PRRX1: variants seen among roughly 807,000 people sequenced by gnomAD.
PRRX1 encodes paired mesoderm homeobox protein 1.
A neutral mutation model predicts 24.0 loss-of-function variants in PRRX1; 8 were observed. The observed-to-expected ratio is 0.33, with a 90% CI of 0.20 to 0.60. The LOEUF (loss-of-function observed/expected upper bound fraction) is 0.60. Among genes scored for constraint, PRRX1 ranks in the 20% least tolerant of loss-of-function variants. PRRX1 has a pLI of 0.82. For synonymous variants in PRRX1, 160 were observed against 131.7 expected (o/e 1.22, Z -1.47); for missense variants, 281 against 322.4 (o/e 0.87, Z 0.98).
Position 170,679,311 on chromosome 1 carries a change from T to A in PRRX1, c.241+14852T>A, listed in dbSNP as rs187626443. ...ACTTATTAGGCATCTGGCATTTTGT[T>A]AAGCACTCCACATAAAACCAAGAAA... is the stretch of plus-strand genomic sequence containing the variant. On this transcript the variant is annotated intron_variant, in intron 1 of 3. Coordinates refer to ENST00000239461, the MANE Select transcript of PRRX1 (RefSeq NM_022716.4). Among the ~76,000 whole-genome samples the A allele has an allele frequency of 2.2e-3, 336 of 152,332 alleles. 4 individuals are homozygous for A. The highest frequency in any genetic ancestry group is 0.019 in the Admixed American group (290 of 15,292).
At chr1:170,722,098 T>C (rs1655105040) in intron 2 of PRRX1, among the ~76,000 whole-genome samples, 1 of 152,190 alleles carries the variant, frequency 6.6e-6, no homozygotes, top group Non-Finnish European at 1.5e-5. Flanking sequence ...CACCTTGCTA[T>C]GATTTAATGA....
chr1:170,710,797 G>A lies in PRRX1; in HGVS notation c.242-8929G>A, dbSNP rs115455426. Reference sequence around the variant, plus strand: ...TGCCATATGAGGATATAGTAAGAAGGCAGTTGTTTGCAGGCCAGGAAGCAG... The same window carrying A: ...TGCCATATGAGGATATAGTAAGAAGACAGTTGTTTGCAGGCCAGGAAGCAG... On this transcript the variant is annotated intron_variant, in intron 1 of 3. Transcript: ENST00000239461. 3.7e-3 allele frequency among the ~76,000 whole-genome samples: 559 copies of A among 152,272 alleles called. 1 individual carries two copies. The highest frequency in any genetic ancestry group is 6.7e-3 in the Admixed American group (102 of 15,290).
chr1:170,699,738 G>A (rs1350302863), intron 1 of PRRX1, among the ~76,000 whole-genome samples: 1 of 151,702 alleles, frequency 6.6e-6, no homozygotes, highest in Admixed American at 6.6e-5. Context: ...CCTCAAAAGT[G>A]CAAGTGAATG....
At chr1:170,732,612 T>C (rs1655469219) in intron 3 of PRRX1, among the ~76,000 whole-genome samples, 1 of 152,204 alleles carries the variant, frequency 6.6e-6, no homozygotes, top group Non-Finnish European at 1.5e-5. Flanking sequence ...AATTATTTAG[T>C]ATGTGTACAA....
At chr1:170,707,458 A>G (rs1654606990) in intron 1 of PRRX1, among the ~76,000 whole-genome samples, 1 of 152,198 alleles carries the variant, frequency 6.6e-6, no homozygotes, top group East Asian at 1.9e-4. Context: ...CTTTGCCCAA[A>G]TCAGTTACCA....
chr1:170,714,830 C>T lies in PRRX1; in HGVS notation c.242-4896C>T, dbSNP rs533475627. ...TCCAGAGTGAACTTCATACTAGAGC[C>T]GAGGTCAGGGCTATTGTTCTCTTTA... On this transcript the variant is annotated intron_variant, in intron 1 of 3. Transcript: ENST00000239461. Among the ~76,000 whole-genome samples, 40 of 152,240 alleles carry T rather than the reference C, an allele frequency of 2.6e-4. 1 individual carries two copies. The highest frequency in any genetic ancestry group is 2.2e-3 in the Admixed American group (33 of 15,296).
rs200693185 is a variant in PRRX1 at position 170,664,455 on chromosome 1, G to A, written c.237G>A (p.Gln79=). 1.2e-6 allele frequency: 2 copies of A among 1,600,940 alleles called. No homozygotes were observed. The highest frequency in any genetic ancestry group is 1.7e-6 in the Non-Finnish European group (2 of 1,174,414). ...GLTSGSDTPQ[Q]DNDQLNSEEK... Reference sequence around the variant, plus strand: ...CCAGCGGCAGCGACACCCCGCAGCAGGACAGTGAGTGAGGGGCGCATGCCC... The same window carrying A: ...CCAGCGGCAGCGACACCCCGCAGCAAGACAGTGAGTGAGGGGCGCATGCCC... Residue 79 remains glutamine (Q), a synonymous_variant, in exon 1 of 4, where the codon CAG becomes CAA. Transcript: ENST00000239461.
chr1:170,663,860 G>T (rs1652810795), upstream of PRRX1: 1 of 229,772 alleles, frequency 4.4e-6, no homozygotes, highest in African/African-American at 2.3e-5. Flanking sequence ...GACACTTTTG[G>T]AGAGTTGGAA....
At chr1:170,693,789 C>T (rs1338624768) in intron 1 of PRRX1, among the ~76,000 whole-genome samples, 1 of 151,868 alleles carries the variant, frequency 6.6e-6, no homozygotes, top group African/African-American at 2.4e-5. Context: ...GACACAAGAT[C>T]GAGGGACATT....
intron 3 of PRRX1, chr1:170,727,393 C>T (rs1655290269): frequency 6.6e-6 from 1 of 152,128 alleles, no homozygotes; most frequent in African/African-American, 2.4e-5. Context: ...CGTGTTCTCC[C>T]TGGCTGATTT....
chr1:170,677,345 C>G (rs1278275567), intron 1 of PRRX1, among the ~76,000 whole-genome samples: 1 of 152,172 alleles, frequency 6.6e-6, no homozygotes, highest in African/African-American at 2.4e-5. Context: ...ATGCCTAGTA[C>G]CCTACTCAAA....
intron 1 of PRRX1, among the ~76,000 whole-genome samples, chr1:170,673,043 A>G (rs1286002005): frequency 6.6e-6 from 1 of 152,198 alleles, no homozygotes; most frequent in East Asian, 1.9e-4. Context: ...TATGTAATAT[A>G]CCTGGTATCT....
chr1:170,702,109 C>T (rs1654405299), intron 1 of PRRX1, among the ~76,000 whole-genome samples: 1 of 152,172 alleles, frequency 6.6e-6, no homozygotes, highest in Non-Finnish European at 1.5e-5. Flanking sequence ...CTAGATCCCG[C>T]GCATGCGCAG....
chr1:170,729,841 A>G (rs1655372512), intron 3 of PRRX1, among the ~76,000 whole-genome samples: 1 of 152,170 alleles, frequency 6.6e-6, no homozygotes, highest in Admixed American at 6.5e-5. Context: ...ACACACACCC[A>G]TTGCTTAACT....
chr1:170,724,516 C>T (rs1020175887), intron 2 of PRRX1, among the ~76,000 whole-genome samples: 18 of 152,158 alleles, frequency 1.2e-4, no homozygotes, highest in Admixed American at 8.5e-4. Flanking sequence ...AGCCAGTTCT[C>T]CAAGCACCAT....
chr1:170,663,802 T>A (rs1315548331), upstream of PRRX1: 2 of 165,814 alleles, frequency 1.2e-5, no homozygotes, highest in Non-Finnish European at 2.6e-5. Context: ...CCTGCTGGCC[T>A]CCGCTTTCCT....
Position 170,720,551 on chromosome 1 carries a change from G to T in PRRX1, c.417+650G>T, listed in dbSNP as rs180691066. 5.2e-4 allele frequency among the ~76,000 whole-genome samples: 79 copies of T among 152,208 alleles called. 2 individuals carry two copies. The East Asian group carries it at 0.013, about 24-fold the overall frequency. On this transcript the variant is annotated intron_variant, in intron 2 of 3. Coordinates refer to ENST00000239461, the MANE Select transcript of PRRX1 (RefSeq NM_022716.4). ...ATTGTCCATCTGAGTATTTTACTCT[G>T]CACCCTTAGATTTCAATCTGATCTC...
At chr1:170,698,016 TATC>T (rs1253693960) in intron 1 of PRRX1, among the ~76,000 whole-genome samples, 3 of 151,954 alleles carry the variant, frequency 2.0e-5, no homozygotes, top group Non-Finnish European at 2.9e-5. Flanking sequence ...CCAAGATCAG[TATC>T]ATCATCATTT....
intron 3 of PRRX1, chr1:170,730,323 G>A (rs148536447): frequency 4.3e-6 from 7 of 1,611,622 alleles, no homozygotes; most frequent in African/African-American, 4.0e-5. Context: ...GCTTCATAAC[G>A]GATTCTAACG....
Sources: gnomAD v4.1 joint callset for allele counts (sites outside exome capture counted in the v4.1 genomes callset) on GRCh38, gnomAD v4.1.1 for gene constraint, MANE v1.5 for transcripts, NCBI Gene and HGNC (gene_info 2026-07-23, HGNC 2026-07-21) for gene names.